Variants in CHD9 observed in about 807,000 individuals in gnomAD.
CHD9 encodes chromodomain helicase DNA binding protein 9, also known as ATP-dependent chromatin remodeler CHD9.
CHD9 carries 77 observed loss-of-function variants against 316.1 expected under a neutral mutation model. The observed-to-expected ratio is 0.24, with a 90% CI of 0.20 to 0.29. The LOEUF (loss-of-function observed/expected upper bound fraction) is 0.29, where lower values mean the gene tolerates loss of function less well. Among genes scored for constraint, CHD9 ranks in the 10% least tolerant of loss-of-function variants. CHD9 has a pLI of 1.00. For synonymous variants in CHD9, 1,129 were observed against 1,158.3 expected, an observed-to-expected ratio of 0.97 and a Z score of 0.51; for missense variants, 2,763 against 3,438.1, an observed-to-expected ratio of 0.80 and a Z score of 4.91.
intron 3 of CHD9, among the ~76,000 whole-genome samples, chr16:53,216,844 C>T (rs1183315034): frequency 6.6e-6 from 1 of 152,104 alleles, no homozygotes; most frequent in Non-Finnish European, 1.5e-5. Flanking sequence ...GTTTGGGACC[C>T]ACAAAACTGG....
chr16:53,187,149 G>A (rs527359428), intron 2 of CHD9, among the ~76,000 whole-genome samples: 58 of 152,304 alleles, frequency 3.8e-4, no homozygotes, highest in African/African-American at 1.4e-3. Flanking sequence ...TGTATTTCGA[G>A]AGTATCAACA....
intron 22 of CHD9, among the ~76,000 whole-genome samples, chr16:53,272,191 G>A (rs2052338139): frequency 6.6e-6 from 1 of 151,356 alleles, no homozygotes; most frequent in Non-Finnish European, 1.5e-5. Context: ...AAATGTTGTA[G>A]TACCATTAAC....
chr16:53,092,888 C>T (rs1031601864), intron 1 of CHD9, among the ~76,000 whole-genome samples: 59 of 152,236 alleles, frequency 3.9e-4, no homozygotes, highest in African/African-American at 1.4e-3. Flanking sequence ...AAGTGATCCT[C>T]CCATTTCAGC....
intron 10 of CHD9, among the ~76,000 whole-genome samples, chr16:53,232,679 G>C (rs1459648463): frequency 6.6e-6 from 1 of 152,106 alleles, no homozygotes; most frequent in African/African-American, 2.4e-5. Flanking sequence ...ATAGTGATTG[G>C]ATTGCTGAAA....
At chr16:53,129,962 G>A (rs2039145171) in intron 1 of CHD9, among the ~76,000 whole-genome samples, 1 of 152,150 alleles carries the variant, frequency 6.6e-6, no homozygotes, top group South Asian at 2.1e-4. Flanking sequence ...AGGATCGAGA[G>A]GGAACCCAGG....
chr16:53,077,185 C>T (rs2034606470), intron 1 of CHD9, among the ~76,000 whole-genome samples: 1 of 151,998 alleles, frequency 6.6e-6, no homozygotes, highest in South Asian at 2.1e-4. Flanking sequence ...ACAGGGTTTT[C>T]CCATGTTGGC....
At chr16:53,189,419 G>T (rs1387178899) in intron 2 of CHD9, among the ~76,000 whole-genome samples, 1 of 151,790 alleles carries the variant, frequency 6.6e-6, no homozygotes, top group Admixed American at 6.6e-5. Context: ...ATCGCATTTA[G>T]TTTTTATTTG....
At chr16:53,280,746 A>G (rs1403689053) in intron 24 of CHD9, among the ~76,000 whole-genome samples, 2 of 151,580 alleles carry the variant, frequency 1.3e-5, no homozygotes, top group Non-Finnish European at 3.0e-5. Context: ...AGATTCAGAC[A>G]ACAACAAAAA....
chr16:53,318,048 C>T (rs1438518336), intron 36 of CHD9, among the ~76,000 whole-genome samples, 164 bp from the exon 37 acceptor site: 1 of 151,876 alleles, frequency 6.6e-6, no homozygotes, highest in Admixed American at 6.6e-5. Flanking sequence ...CAGAGCAAGA[C>T]CCTGTCTCAA....
In CHD9 at chr16:53,209,457, A is replaced by G. The variant is rs376551655; in HGVS notation, c.1453-25A>G. The G allele has an allele frequency of 2.0e-5, 29 of 1,476,364 alleles. No individual in the cohort carries two copies. The African/African-American group carries it at 3.7e-4, about 19-fold the overall frequency. The allele number at this position is 1,476,364 out of a possible 1,614,324, so 91.5% of individuals were successfully genotyped here. A position where few individuals can be genotyped will look rare whatever the true frequency, so the allele number is the denominator to read the frequency against. On this transcript the variant is annotated intron_variant, in intron 2 of 38. Transcript: ENST00000447540. ...TTTTAGATGTACTTTGGTATATTCT[A>G]TAAAAAATATTTTTGTTTCTGTAGC...
At chr16:53,172,508 A>G (rs1184987701) in intron 2 of CHD9, among the ~76,000 whole-genome samples, 1 of 152,182 alleles carries the variant, frequency 6.6e-6, no homozygotes, top group Non-Finnish European at 1.5e-5. Context: ...GTGAAGACAT[A>G]CATTTTTATT....
At chr16:53,183,747 G>A (rs1015644433) in intron 2 of CHD9, among the ~76,000 whole-genome samples, 15 of 147,462 alleles carry the variant, frequency 1.0e-4, no homozygotes, top group Non-Finnish European at 2.0e-4. Context: ...GACCCTGTCT[G>A]TACAAAAAAT....
intron 34 of CHD9, among the ~76,000 whole-genome samples, chr16:53,309,517 TAATCTTTTGGCAGTTTG>T (rs1403214147): frequency 6.6e-6 from 1 of 152,240 alleles, no homozygotes; most frequent in African/African-American, 2.4e-5. Context: ...GTCTGTCTTC[TAATCTTTTGGCAGTTTG>T]AATCAACACA....
intron 2 of CHD9, among the ~76,000 whole-genome samples, chr16:53,178,335 C>G (rs1046336354): frequency 1.3e-5 from 2 of 151,798 alleles, no homozygotes; most frequent in African/African-American, 4.8e-5. Flanking sequence ...ATGATTTTCT[C>G]TCTATGGAAA....
chr16:53,219,261 A>G (rs900808322), intron 3 of CHD9, among the ~76,000 whole-genome samples: 2 of 152,178 alleles, frequency 1.3e-5, no homozygotes, highest in African/African-American at 2.4e-5. Context: ...TGAGATACCC[A>G]TATGTATATG....
chr16:53,091,063 C>T (rs963348941), intron 1 of CHD9, among the ~76,000 whole-genome samples: 4 of 152,100 alleles, frequency 2.6e-5, no homozygotes, highest in African/African-American at 7.2e-5. Flanking sequence ...CTTGGGCTCT[C>T]AGTCCCACAC....
intron 10 of CHD9, among the ~76,000 whole-genome samples, chr16:53,232,833 A>G (rs755007156): frequency 3.3e-5 from 5 of 152,222 alleles, no homozygotes; most frequent in Middle Eastern, 3.2e-3. Context: ...GCAGAGCTTC[A>G]ATAACCAGTC....
intron 2 of CHD9, among the ~76,000 whole-genome samples, chr16:53,161,214 T>G (rs1015538713): frequency 6.6e-6 from 1 of 152,170 alleles, no homozygotes; most frequent in African/African-American, 2.4e-5. Context: ...GTAGAGAGGA[T>G]TATTATGATT....
chr16:53,226,353 T>C lies in CHD9; in HGVS notation c.1897-13T>C. On this transcript the variant is annotated splice_polypyrimidine_tract_variant and intron_variant, in intron 4 of 38. Transcript: ENST00000447540. Reference sequence around the variant, plus strand: ...ATAAATTATATAAATCTGATTCTTGTGGTTCATTACAGAAAAGAAGATCAA... The same window carrying C: ...ATAAATTATATAAATCTGATTCTTGCGGTTCATTACAGAAAAGAAGATCAA... 1 of 1,510,060 alleles carries C rather than the reference T, an allele frequency of 6.6e-7. No individual in the cohort carries two copies. Among genetic ancestry groups the C allele is most frequent in the Admixed American group, 2.5e-5 (1 of 40,370 alleles). The allele number at this position is 1,510,060 out of a possible 1,614,324, so 93.5% of individuals were successfully genotyped here.
Sources: allele counts gnomAD v4.1 joint callset (sites outside exome capture counted in the v4.1 genomes callset), GRCh38; gene constraint gnomAD v4.1.1; transcripts MANE v1.5; gene names NCBI Gene and HGNC (gene_info 2026-07-23, HGNC 2026-07-21).